TNPO3: variants seen among roughly 807,000 people sequenced by gnomAD.
TNPO3 encodes the protein transportin 3.
A neutral mutation model predicts 122.8 loss-of-function variants in TNPO3; 65 were observed. The ratio of observed to expected loss-of-function variants is 0.53; its 90% confidence interval spans 0.43 to 0.65. The LOEUF (loss-of-function observed/expected upper bound fraction) is 0.65. Ranked by LOEUF, TNPO3 falls within the 30% of genes least tolerant of loss-of-function variation. The pLI, the probability that TNPO3 is intolerant of heterozygous loss-of-function variation, is 0.00. For missense variants in TNPO3, 850 were observed against 1,136.7 expected, an observed-to-expected ratio of 0.75 and a Z score of 3.63; for synonymous variants, 372 against 411.2, an observed-to-expected ratio of 0.90 and a Z score of 1.15.
intron 4 of TNPO3, among the ~76,000 whole-genome samples, chr7:129,013,231 C>A (rs1803420919): frequency 6.6e-6 from 1 of 151,876 alleles, no homozygotes; most frequent in Non-Finnish European, 1.5e-5. Context: ...TTGATCTGGG[C>A]AAAGATCTCT....
intron 5 of TNPO3, among the ~76,000 whole-genome samples, chr7:129,002,790 C>T (rs927401752): frequency 2.4e-4 from 36 of 152,098 alleles, no homozygotes; most frequent in African/African-American, 8.2e-4. Context: ...CGGTGGCTCA[C>T]GCCTGTAATC....
intron 1 of TNPO3, among the ~76,000 whole-genome samples, chr7:129,046,794 C>G (rs1007560573): frequency 6.6e-6 from 1 of 152,120 alleles, no homozygotes; most frequent in African/African-American, 2.4e-5. Context: ...TCTTACATGG[C>G]GGCAGGCAAG....
At chr7:129,026,841 G>A (rs148988524) in intron 1 of TNPO3, among the ~76,000 whole-genome samples, 7 of 152,292 alleles carry the variant, frequency 4.6e-5, no homozygotes, top group African/African-American at 1.2e-4. Context: ...CACTCAGGCT[G>A]GAGGGCAGTG....
intron 1 of TNPO3, among the ~76,000 whole-genome samples, chr7:129,051,646 CTTT>C (rs760948868): frequency 5.3e-5 from 8 of 151,606 alleles, no homozygotes; most frequent in African/African-American, 1.9e-4. Flanking sequence ...TGGCTGGCAA[CTTT>C]TTTGTTTTTT....
chr7:129,034,954 A>G (rs1806430951), intron 1 of TNPO3, among the ~76,000 whole-genome samples: 1 of 150,602 alleles, frequency 6.6e-6, no homozygotes, highest in Admixed American at 6.6e-5. Flanking sequence ...CAGGAAGGAA[A>G]CATCATTTAT....
At chr7:128,980,936 G>A (rs1799566273) in intron 14 of TNPO3, among the ~76,000 whole-genome samples, 1 of 151,950 alleles carries the variant, frequency 6.6e-6, no homozygotes, top group Non-Finnish European at 1.5e-5. Context: ...CAACTCCTCT[G>A]TCTAGTTCGA....
rs150618923 is a variant in TNPO3 at position 129,007,634 on chromosome 7, T to A, written c.553-2475A>T. Among the ~76,000 whole-genome samples, 1,165 of 152,364 alleles carry A rather than the reference T, an allele frequency of 7.6e-3. 23 individuals carry two copies. The highest frequency in any genetic ancestry group is 0.027 in the African/African-American group (1,118 of 41,580). ...ATGAATAACATCAGAACTTGATTGC[T>A]AACTAAATGCAGACTCACTTCCGCT... On this transcript the variant is annotated intron_variant, in intron 4 of 22. Transcript: ENST00000265388.
intron 4 of TNPO3, among the ~76,000 whole-genome samples, chr7:129,005,633 T>G (rs947443620): frequency 6.6e-6 from 1 of 152,008 alleles, no homozygotes; most frequent in Non-Finnish European, 1.5e-5. Flanking sequence ...CGTGTGAACA[T>G]GTGTCTGCTT....
chr7:129,045,236 T>C (rs1807881844), intron 1 of TNPO3, among the ~76,000 whole-genome samples: 1 of 152,162 alleles, frequency 6.6e-6, no homozygotes, highest in African/African-American at 2.4e-5. Context: ...TTAGTGGGCA[T>C]AGATTTAGTT....
At chr7:129,002,633 T>A (rs1041075441) in intron 5 of TNPO3, among the ~76,000 whole-genome samples, 1 of 152,168 alleles carries the variant, frequency 6.6e-6, no homozygotes, top group Non-Finnish European at 1.5e-5. Flanking sequence ...AAAGTCAGTG[T>A]TCGAGCTGGG....
chr7:129,050,369 G>A (rs567585020), intron 1 of TNPO3, among the ~76,000 whole-genome samples: 84 of 114,126 alleles, frequency 7.4e-4, no homozygotes, highest in African/African-American at 2.6e-3. Context: ...GGGAGACAGC[G>A]AGACTCTGTC....
At chr7:128,995,250 A>T (rs1233296242) in intron 8 of TNPO3, among the ~76,000 whole-genome samples, 2 of 152,258 alleles carry the variant, frequency 1.3e-5, no homozygotes, top group Non-Finnish European at 2.9e-5. Flanking sequence ...TAAAAAATTT[A>T]AAGATCATTT....
At chr7:129,021,959 A>G (rs1395735652) in intron 1 of TNPO3, among the ~76,000 whole-genome samples, 1 of 152,204 alleles carries the variant, frequency 6.6e-6, no homozygotes, top group East Asian at 1.9e-4. Context: ...TTAAACAAAA[A>G]AATTTTAAAA....
At chr7:129,050,607 C>T (rs1808638824) in intron 1 of TNPO3, among the ~76,000 whole-genome samples, 1 of 152,072 alleles carries the variant, frequency 6.6e-6, no homozygotes, top group African/African-American at 2.4e-5. Context: ...TCTCTGGACT[C>T]TTAGACAACA....
At chr7:129,018,872 C>G (rs529090000) in intron 1 of TNPO3, among the ~76,000 whole-genome samples, 1 of 152,252 alleles carries the variant, frequency 6.6e-6, no homozygotes, top group African/African-American at 2.4e-5. Context: ...GTGTGCACCA[C>G]CACACCCAGC....
In TNPO3 at chr7:128,993,897, C is replaced by T. The variant is rs760030359; in HGVS notation, c.1176G>A (p.Glu392=). The T allele has an allele frequency of 1.4e-5, 22 of 1,613,962 alleles. No individual in the cohort carries two copies. Among genetic ancestry groups the T allele is most frequent in the Non-Finnish European group, 5.9e-6 (7 of 1,180,010 alleles). ...LEPDHEGVPE[E]TDDFGEFRMR... ...TGCGAAACTCCCCAAAGTCATCAGT[C>T]TCCTCAGGAACCCCCTCCTAAAATA... is the stretch of plus-strand genomic sequence containing the variant. Residue 392 remains glutamate, a synonymous_variant, in exon 9 of 23, where the codon GAG becomes GAA. Coordinates refer to ENST00000265388, the MANE Select transcript of TNPO3 (RefSeq NM_012470.4).
intron 1 of TNPO3, among the ~76,000 whole-genome samples, chr7:129,024,826 C>T (rs530620791): frequency 1.3e-5 from 2 of 152,044 alleles, no homozygotes; most frequent in African/African-American, 4.8e-5. Context: ...GAGTTTGAGA[C>T]CAGCCTCTAT....
chr7:129,053,303 G>A (rs1351532404), intron 1 of TNPO3, among the ~76,000 whole-genome samples: 1 of 151,020 alleles, frequency 6.6e-6, no homozygotes, highest in Non-Finnish European at 1.5e-5. Flanking sequence ...CCTCCAGCCT[G>A]GGCAACAGAG....
rs560429330 is a variant in TNPO3 at position 129,013,041 on chromosome 7, C to T, written c.552+1938G>A. Among the ~76,000 whole-genome samples, 27 of 152,236 alleles carry T rather than the reference C, an allele frequency of 1.8e-4. No homozygotes were observed. The South Asian group carries it at 2.9e-3, about 16-fold the overall frequency. Reference sequence around the variant, plus strand: ...AATGTGTATTAGCTCATCCATAATGCGATACTCCTCAAAGGTCAAGTAAAA... The same window carrying T: ...AATGTGTATTAGCTCATCCATAATGTGATACTCCTCAAAGGTCAAGTAAAA... On this transcript the variant is annotated intron_variant, in intron 4 of 22. Transcript: ENST00000265388.
Sources: gnomAD v4.1 joint callset for allele counts (sites outside exome capture counted in the v4.1 genomes callset) on GRCh38, gnomAD v4.1.1 for gene constraint, MANE v1.5 for transcripts, NCBI Gene and HGNC (gene_info 2026-07-23, HGNC 2026-07-21) for gene names.